PREPL: variants seen among roughly 807,000 people sequenced by gnomAD.
PREPL encodes prolyl endopeptidase like.
Under a neutral mutation model 70.6 loss-of-function variants are expected in PREPL, and 77 were observed. That is an observed-to-expected ratio of 1.09 (90% CI 0.91 to 1.32). PREPL has a LOEUF of 1.32. Ranked by LOEUF, PREPL falls within the 40% of genes most tolerant of loss-of-function variation. The probability of loss-of-function intolerance (pLI) is 0.00; values close to 1 mark genes in which losing one functional copy is unlikely to be tolerated. For missense variants in PREPL, 1,002 were observed against 778.2 expected, an observed-to-expected ratio of 1.29 and a Z score of -3.42; for synonymous variants, 315 against 264.8, an observed-to-expected ratio of 1.19 and a Z score of -1.84.
Position 44,342,536 on chromosome 2 carries a change from C to T in PREPL, c.366G>A (p.Glu122=), listed in dbSNP as rs546484474. The change falls in exon 5 of 14, where the codon GAG becomes GAA. Residue 122 remains glutamate (E), a synonymous_variant. Transcript: ENST00000409411. ...TGTAGAATAAAACATCTTCATCTTC[C>T]TCGTCCTTTACCCATTCTGAAAGAA... The part of the protein sequence containing the change: ...NVSSFEWVKD[E]EDEDVLFYTF... 2 of 1,602,954 alleles carry T rather than the reference C, an allele frequency of 1.2e-6. No homozygotes were observed. The highest frequency in any genetic ancestry group is 1.1e-5 in the South Asian group (1 of 90,366).
intron 1 of PREPL, among the ~76,000 whole-genome samples, chr2:44,356,746 G>A (rs1254329742): frequency 6.6e-6 from 1 of 152,150 alleles, no homozygotes; most frequent in Non-Finnish European, 1.5e-5. Flanking sequence ...GTAACAAGAG[G>A]TATAGAATCA....
chr2:44,321,311 TG>T lies in PREPL; in HGVS notation c.*44del. The T allele has an allele frequency of 6.9e-7, 1 of 1,455,664 alleles. No individual in the cohort carries two copies. The highest frequency in any genetic ancestry group is 1.2e-5 in the South Asian group (1 of 84,148). The allele number at this position is 1,455,664 out of a possible 1,614,324, so 90.2% of individuals were successfully genotyped here. On this transcript the variant is annotated 3_prime_UTR_variant, in exon 14 of 14. Coordinates refer to ENST00000409411, the MANE Select transcript of PREPL (RefSeq NM_001171613.2). ...GCTAACTCAATTGGAAGTAAGACTA[TG>T]AAATATTTCAGTGTGTTTCCAATTC...
rs543799837 is a variant in PREPL, at chr2:44,341,830, C to T, written c.485+587G>A. Among the ~76,000 whole-genome samples, 33 of 151,744 alleles carry T rather than the reference C, an allele frequency of 2.2e-4. No individual in the cohort carries two copies. The East Asian group carries it at 6.4e-3, about 29-fold the overall frequency. ...TTTTTTCCTTGATACCCAATTGAAACCATAGCATATATTTAATTTTTTCAC... is the reference window on the plus strand; with the variant it reads ...TTTTTTCCTTGATACCCAATTGAAATCATAGCATATATTTAATTTTTTCAC... On this transcript the variant is annotated intron_variant, in intron 5 of 13. Coordinates refer to ENST00000409411, the MANE Select transcript of PREPL (RefSeq NM_001171613.2).
intron 1 of PREPL, among the ~76,000 whole-genome samples, chr2:44,354,918 A>G (rs527376543): frequency 2.0e-5 from 3 of 152,278 alleles, no homozygotes; most frequent in Non-Finnish European, 2.9e-5. Context: ...GATTACATAC[A>G]TGACTGTGAA....
chr2:44,340,885 G>A (rs182401149), intron 5 of PREPL, among the ~76,000 whole-genome samples: 3 of 147,684 alleles, frequency 2.0e-5, no homozygotes, highest in East Asian at 4.0e-4. Context: ...CTGAGATTGC[G>A]CCACTGCACT....
At chr2:44,347,749 T>C (rs1675984073) in intron 1 of PREPL, among the ~76,000 whole-genome samples, 1 of 152,206 alleles carries the variant, frequency 6.6e-6, no homozygotes, top group South Asian at 2.1e-4. Flanking sequence ...ACTTAAGTCT[T>C]TGGTAAGGAT....
In PREPL at chr2:44,326,883, T is replaced by G. The variant is rs1225815185; in HGVS notation, c.1308A>C (p.Leu436=). 3 of 1,614,034 alleles carry G rather than the reference T, an allele frequency of 1.9e-6. No homozygotes were observed. Among genetic ancestry groups the G allele is most frequent in the African/African-American group, 2.7e-5 (2 of 74,896 alleles). The change falls in exon 10 of 14, where the codon CTA becomes CTC. Residue 436 remains leucine (L), a synonymous_variant. Transcript: ENST00000409411. ...LGLQWHADGR[L]TKKLNGLADL... ...CAGCAAGGCCATTGAGTTTTTTAGT[T>G]AGGCGGCCATCAGCGTGCCACTGGA...
At chr2:44,328,733 A>G (rs948086124) in intron 9 of PREPL, among the ~76,000 whole-genome samples, 2 of 152,228 alleles carry the variant, frequency 1.3e-5, no homozygotes, top group African/African-American at 4.8e-5. Context: ...ACCTCTATGC[A>G]AAAATCCTAA....
Position 44,359,690 on chromosome 2 carries a change from A to G in PREPL, c.-49+1690T>C. 1 of 1,612,786 alleles carries G rather than the reference A, an allele frequency of 6.2e-7. No individual in the cohort carries two copies. The highest frequency in any genetic ancestry group is 2.2e-5 in the East Asian group (1 of 44,866). On this transcript the variant is annotated intron_variant, in intron 1 of 13. Coordinates refer to ENST00000409411, the MANE Select transcript of PREPL (RefSeq NM_001171613.2). ...AGGAATACTATACTTCAAAGCTTGG[A>G]GAAATAATTTGGTCTTCTGCTGCAT...
intron 7 of PREPL, among the ~76,000 whole-genome samples, chr2:44,336,296 C>T (rs1488282716): frequency 2.0e-5 from 3 of 152,116 alleles, no homozygotes; most frequent in Non-Finnish European, 4.4e-5. Flanking sequence ...ACCTAAATGT[C>T]CATCAATGAT....
rs1572883883 is a variant in PREPL at position 44,339,295 on chromosome 2, G to A, written c.554C>T (p.Thr185Ile). The A allele has an allele frequency of 6.2e-7, 1 of 1,613,898 alleles. No homozygotes were observed. The highest frequency in any genetic ancestry group is 2.2e-5 in the East Asian group (1 of 44,884). Residue 185 changes from threonine (T) to isoleucine (I), a missense_variant, in exon 6 of 14, where the codon ACT becomes ATT. Coordinates refer to ENST00000409411, the MANE Select transcript of PREPL (RefSeq NM_001171613.2). ...FLTINIMNKT[T>I]SEVWLIDGLS... ...GCCATCTATCAACCACACTTCAGAA[G>A]TAGTCTTGTTCATAATATTTATGGT...
intron 7 of PREPL, among the ~76,000 whole-genome samples, chr2:44,335,305 A>C (rs1296334948): frequency 1.3e-5 from 2 of 152,252 alleles, no homozygotes; most frequent in Admixed American, 6.5e-5. Flanking sequence ...AAGTCAAATC[A>C]TATAGCAGAG....
In PREPL at chr2:44,320,584, T is replaced by C; in HGVS notation, c.*772A>G. 7 of 1,614,082 alleles carry C rather than the reference T, an allele frequency of 4.3e-6. No homozygotes were observed. The highest frequency in any genetic ancestry group is 5.1e-6 in the Non-Finnish European group (6 of 1,179,948). ...ACAGCTTTCAGAGATAGATGCTTTG[T>C]TTCCAATCGAGCATGCTATTCCAGT... On this transcript the variant is annotated 3_prime_UTR_variant, in exon 14 of 14. Transcript: ENST00000409411.
rs1453622040 is a variant in PREPL, at chr2:44,320,599, G to C, written c.*757C>G. On this transcript the variant is annotated 3_prime_UTR_variant, in exon 14 of 14. Transcript: ENST00000409411. The stretch of plus-strand genomic sequence containing the variant: ...AGATGCTTTGTTTCCAATCGAGCAT[G>C]CTATTCCAGTGTACTGAACATACTG... 6.2e-7 allele frequency: 1 copy of C among 1,613,988 alleles called. No individual in the cohort carries two copies. The highest frequency in any genetic ancestry group is 2.2e-5 in the East Asian group (1 of 44,872).
chr2:44,318,345 C>A lies in PREPL; in HGVS notation c.*3011G>T, dbSNP rs546558178. On this transcript the variant is annotated 3_prime_UTR_variant, in exon 14 of 14. Coordinates refer to ENST00000409411, the MANE Select transcript of PREPL (RefSeq NM_001171613.2). Reference sequence around the variant, plus strand: ...GACCTCTGGTGATCTGTCTGCCTTGCCTCCCAAAGTGCTAGGATTACGGGC... The same window carrying A: ...GACCTCTGGTGATCTGTCTGCCTTGACTCCCAAAGTGCTAGGATTACGGGC... 2.7e-3 allele frequency: 516 copies of A among 192,412 alleles called. 1 individual carries two copies. Among genetic ancestry groups the A allele is most frequent in the African/African-American group, 0.012 (484 of 41,874 alleles). The allele number at this position is 192,412 out of a possible 1,614,324, so 11.9% of individuals were successfully genotyped here.
chr2:44,339,046 T>C, intron 6 of PREPL, 101 bp downstream of exon 6: 1 of 1,509,880 alleles, frequency 6.6e-7, no homozygotes, highest in Non-Finnish European at 8.9e-7. Flanking sequence ...GAAGGTGGCA[T>C]CAATTTATAA....
intron 1 of PREPL, chr2:44,360,011 A>G (rs1677508093): frequency 1.3e-5 from 4 of 316,938 alleles, no homozygotes; most frequent in African/African-American, 2.1e-5. Context: ...ACTATGCAGC[A>G]CTGACTCTGG....
chr2:44,341,748 A>AC (rs1332113706), intron 5 of PREPL, among the ~76,000 whole-genome samples: 1 of 151,960 alleles, frequency 6.6e-6, no homozygotes, highest in Non-Finnish European at 1.5e-5. Flanking sequence ...AAAAGTAAAA[A>AC]AAAAACCATT....
Position 44,343,801 on chromosome 2 carries a change from AT to A in PREPL, c.292del (p.Ile98Ter). ...EDSEASTCVI[I>X]KLSDQPVMEA... Reference sequence around the variant, plus strand: ...CATTACGGGCTGATCGCTGAGCTTTATAATTACACAGGTAGATGCTTCAGAA... The same window carrying A: ...CATTACGGGCTGATCGCTGAGCTTTAAATTACACAGGTAGATGCTTCAGAA... On this transcript the variant is annotated frameshift_variant, in exon 4 of 14. Transcript: ENST00000409411. LOFTEE classifies it high-confidence loss of function. The A allele has an allele frequency of 1.2e-6, 2 of 1,614,076 alleles. No individual in the cohort carries two copies. The highest frequency in any genetic ancestry group is 8.5e-7 in the Non-Finnish European group (1 of 1,179,914).
Sources: allele counts gnomAD v4.1 joint callset (sites outside exome capture counted in the v4.1 genomes callset), GRCh38; gene constraint gnomAD v4.1.1; transcripts MANE v1.5; gene names NCBI Gene and HGNC (gene_info 2026-07-23, HGNC 2026-07-21).